The following MARS1 variants were observed in gnomAD, a reference collection of about 807,000 sequenced individuals.
The protein encoded by MARS1 is methionyl-tRNA synthetase 1.
A neutral mutation model predicts 119.5 loss-of-function variants in MARS1; 80 were observed. That is an observed-to-expected ratio of 0.67 (90% CI 0.56 to 0.81). The LOEUF is 0.81. MARS1 is among the 30% of genes least tolerant of loss of function. The pLI is 0.00. For synonymous variants in MARS1, 418 were observed against 433.4 expected, an observed-to-expected ratio of 0.96 and a Z score of 0.44; for missense variants, 945 against 1,116.5, an observed-to-expected ratio of 0.85 and a Z score of 2.19.
chr12:57,512,222 C>A lies in MARS1; in HGVS notation c.1636-14C>A, dbSNP rs1367829453. On this transcript the variant is annotated splice_polypyrimidine_tract_variant and intron_variant, in intron 13 of 20. Transcript: ENST00000262027. The stretch of plus-strand genomic sequence containing the variant: ...GGAGGTCTCAGGAAATCTCTCCTAA[C>A]CACATTCCCCTAGGTGGACCTGTAT... The A allele has an allele frequency of 6.2e-7, 1 of 1,610,736 alleles. No individual in the cohort carries two copies.
intron 7 of MARS1, among the ~76,000 whole-genome samples, chr12:57,495,135 G>GC (rs1205263928): frequency 1.0e-4 from 15 of 148,560 alleles, no homozygotes; most frequent in Non-Finnish European, 1.9e-4. Context: ...AGGCGGAGGC[G>GC]CCCCCCACCT....
chr12:57,500,113 A>G, intron 9 of MARS1: 6 of 591,816 alleles, frequency 1.0e-5, no homozygotes, highest in Non-Finnish European at 1.8e-5. Flanking sequence ...TTGAGGGGAA[A>G]GATTATGTGG....
chr12:57,488,779 C>T, intron 1 of MARS1: 1 of 952,780 alleles, frequency 1.0e-6, no homozygotes, highest in Admixed American at 2.1e-5. Flanking sequence ...CCCAATACCA[C>T]CACCTCCTCT....
chr12:57,503,020 C>T (rs148340630), intron 10 of MARS1, among the ~76,000 whole-genome samples: 2,670 of 152,040 alleles, frequency 0.018, 80 homozygotes, highest in African/African-American at 0.062. Flanking sequence ...AGTGAGACTT[C>T]GTCTCAAAAA....
chr12:57,515,342 TG>T lies in MARS1; in HGVS notation c.2391+8del. 1 of 1,611,228 alleles carries T rather than the reference TG, an allele frequency of 6.2e-7. No individual in the cohort carries two copies. On this transcript the variant is annotated splice_region_variant and intron_variant, in intron 18 of 20. Transcript: ENST00000262027. ...CAGGACACCAGATTGGCACAGTAGG[TG>T]GAAGAGCCAGCCTCTCTTAAAATTG...
chr12:57,490,884 T>C (rs1484168923), intron 7 of MARS1, among the ~76,000 whole-genome samples: 1 of 148,568 alleles, frequency 6.7e-6, no homozygotes. Flanking sequence ...CCTTTTTTTT[T>C]TTTTTTTTTG....
chr12:57,508,811 C>T (rs1432269829), intron 11 of MARS1, among the ~76,000 whole-genome samples: 1 of 152,174 alleles, frequency 6.6e-6, no homozygotes, highest in Non-Finnish European at 1.5e-5. Context: ...ATTCACCCGC[C>T]TTAGCCTCCC....
In MARS1 at chr12:57,511,842, G is replaced by A. The variant is rs1032041433; in HGVS notation, c.1513G>A (p.Val505Ile). ...CCGAGACCTCAAATGGGGAACCCCT[G>A]TACCCTTAGAAGGTTTTGAAGACAA... ...ITRDLKWGTP[V>I]PLEGFEDKVF... The change falls in exon 12 of 21, where the codon GTA becomes ATA. Residue 505 changes from valine to isoleucine, a missense_variant. Physicochemically the swap from Val to Ile is conservative, Grantham distance 29. Transcript: ENST00000262027. 1 of 1,614,144 alleles carries A rather than the reference G, an allele frequency of 6.2e-7. No homozygotes were observed. Among genetic ancestry groups the A allele is most frequent in the Non-Finnish European group, 8.5e-7 (1 of 1,180,010 alleles).
intron 11 of MARS1, among the ~76,000 whole-genome samples, chr12:57,506,688 T>C (rs1877193344): frequency 6.6e-6 from 1 of 152,096 alleles, no homozygotes; most frequent in South Asian, 2.1e-4. Flanking sequence ...TATTTTTTTC[T>C]TTTCTTGAGA....
At position 57,514,776 on chromosome 12, in the gene MARS1, C is replaced by G. The variant is rs776411681; in HGVS notation, c.2024C>G (p.Thr675Ser). 94 of 1,614,092 alleles carry G rather than the reference C, an allele frequency of 5.8e-5. No homozygotes were observed. Among genetic ancestry groups the G allele is most frequent in the Middle Eastern group, 1.6e-4 (1 of 6,084 alleles). The change falls in exon 16 of 21, where the codon ACC (threonine) becomes AGC (serine). Residue 675 changes from threonine to serine, a missense_variant. Coordinates refer to ENST00000262027, the MANE Select transcript of MARS1 (RefSeq NM_004990.4). ...FGGYVPEMVL[T>S]PDDQRLLAHV... ...GGCTATGTGCCTGAGATGGTGCTCA[C>G]CCCTGATGATCAGCGCCTGCTGGCC...
At chr12:57,496,441 G>T (rs1300906273) in intron 7 of MARS1, among the ~76,000 whole-genome samples, 1 of 152,078 alleles carries the variant, frequency 6.6e-6, no homozygotes, top group Non-Finnish European at 1.5e-5. Flanking sequence ...GGGATTACAG[G>T]CGTGAGCCAC....
chr12:57,494,494 ATTTT>A (rs59160934), intron 7 of MARS1, among the ~76,000 whole-genome samples: 4 of 95,484 alleles, frequency 4.2e-5, no homozygotes, highest in African/African-American at 1.2e-4. Flanking sequence ...CGCCTGGCTA[ATTTT>A]TTTTTTTTTT....
Position 57,512,859 on chromosome 12 carries a change from T to C in MARS1, c.1862T>C (p.Leu621Pro), listed in dbSNP as rs766026327. 1 of 1,614,234 alleles carries C rather than the reference T, an allele frequency of 6.2e-7. No homozygotes were observed. Among genetic ancestry groups the C allele is most frequent in the Non-Finnish European group, 8.5e-7 (1 of 1,180,032 alleles). Residue 621 changes from leucine (L) to proline (P), a missense_variant, in exon 15 of 21, where the codon CTG (leucine) becomes CCG (proline). Transcript: ENST00000262027. ...CCTGCTGACATCTGGCGCTTCTATC[T>C]GCTGTACATTCGGCCTGAGGGCCAG... ...GIPADIWRFY[L>P]LYIRPEGQDS... is the part of the protein sequence containing the mutation.
intron 7 of MARS1, among the ~76,000 whole-genome samples, chr12:57,497,497 G>A (rs1876691142): frequency 6.6e-6 from 1 of 152,152 alleles, no homozygotes; most frequent in Admixed American, 6.5e-5. Flanking sequence ...AGATGTCAAG[G>A]ATGATGAAAC....
rs1877710831 is a variant in MARS1, at chr12:57,514,934, C to A, written c.2100-20C>A. On this transcript the variant is annotated intron_variant, in intron 16 of 20. Transcript: ENST00000262027. Reference sequence around the variant, plus strand: ...GTCTCTGTAGGACATTACACCTTGGCCTGCTTCCTCCCTTCCCAGGATCCG... The same window carrying A: ...GTCTCTGTAGGACATTACACCTTGGACTGCTTCCTCCCTTCCCAGGATCCG... 6.2e-7 allele frequency: 1 copy of A among 1,614,054 alleles called. No homozygotes were observed. Among genetic ancestry groups the A allele is most frequent in the Non-Finnish European group, 8.5e-7 (1 of 1,179,924 alleles).
intron 1 of MARS1, 89 bp from the exon 2 acceptor site, chr12:57,488,930 A>G (rs1268949814): frequency 2.8e-6 from 3 of 1,067,048 alleles, no homozygotes; most frequent in Non-Finnish European, 4.3e-6. Flanking sequence ...TTTTTTACTC[A>G]CTGAACAATG....
intron 11 of MARS1, among the ~76,000 whole-genome samples, chr12:57,506,290 T>G (rs775544334): frequency 2.6e-5 from 4 of 151,958 alleles, no homozygotes; most frequent in Non-Finnish European, 5.9e-5. Context: ...TAGCCAAATG[T>G]GGTGGTGCAC....
At chr12:57,499,878 G>A (rs188991732) in intron 9 of MARS1, among the ~76,000 whole-genome samples, 3 of 152,218 alleles carry the variant, frequency 2.0e-5, no homozygotes, top group African/African-American at 7.2e-5. Context: ...CAGCCTGGGC[G>A]ACAGAGCGAG....
chr12:57,506,709 CTCT>C (rs1295767866), intron 11 of MARS1, among the ~76,000 whole-genome samples: 2 of 152,158 alleles, frequency 1.3e-5, no homozygotes, highest in East Asian at 3.8e-4. Context: ...TGGAGTCCCG[CTCT>C]GTTGCCCAGA....
Sources: gnomAD v4.1 joint callset for allele counts (sites outside exome capture counted in the v4.1 genomes callset) on GRCh38, gnomAD v4.1.1 for gene constraint, MANE v1.5 for transcripts, NCBI Gene and HGNC (gene_info 2026-07-23, HGNC 2026-07-21) for gene names.